Variants in UBAP2 observed in about 807,000 individuals in gnomAD.
The protein encoded by UBAP2 is ubiquitin associated protein 2, also known as ubiquitin-associated protein 2.
UBAP2 carries 75 observed loss-of-function variants against 139.6 expected under a neutral mutation model. The observed-to-expected ratio is 0.54, with a 90% CI of 0.45 to 0.65. The LOEUF (loss-of-function observed/expected upper bound fraction) is 0.65, where lower values mean the gene tolerates loss of function less well. UBAP2 is among the 30% of genes least tolerant of loss of function. The pLI is 0.00. For synonymous variants in UBAP2, 526 were observed against 526.2 expected, an observed-to-expected ratio of 1.00 and a Z score of 0.01; for missense variants, 1,368 against 1,369.6, an observed-to-expected ratio of 1.00 and a Z score of 0.02.
At chr9:33,974,280 G>A (rs961147738) in intron 6 of UBAP2, among the ~76,000 whole-genome samples, 3 of 152,118 alleles carry the variant, frequency 2.0e-5, no homozygotes, top group Admixed American at 1.3e-4. Context: ...CACCGAGGCA[G>A]TTGGACTGCT....
intron 2 of UBAP2, among the ~76,000 whole-genome samples, chr9:34,009,139 G>C (rs985225969): frequency 2.0e-5 from 3 of 149,394 alleles, no homozygotes; most frequent in Non-Finnish European, 4.4e-5. Flanking sequence ...TTGCTCTGTC[G>C]CCCACACTGG....
intron 1 of UBAP2, among the ~76,000 whole-genome samples, chr9:34,021,566 G>A (rs1318289693): frequency 6.6e-6 from 1 of 151,310 alleles, no homozygotes; most frequent in East Asian, 1.9e-4. Flanking sequence ...CGAACACACT[G>A]TTTTAAAACT....
chr9:33,989,100 C>A lies in UBAP2; in HGVS notation c.315G>T (p.Lys105Asn). The change falls in exon 5 of 29, where the codon AAG becomes AAT. Residue 105 changes from lysine to asparagine, a missense_variant. Physicochemically the swap from Lys to Asn is moderately conservative, Grantham distance 94 (BLOSUM62 0). Transcript: ENST00000379238. The stretch of plus-strand genomic sequence containing the variant: ...AATTTTCTTTTGCAAAATTCTTTTT[C>A]TTACACCCTACAGTCTCCCATGAAG... Reference protein sequence around the residue: ...DTTSWETVGCKKKNFAKENSE... With the variant: ...DTTSWETVGCNKKNFAKENSE... 1 of 1,613,302 alleles carries A rather than the reference C, an allele frequency of 6.2e-7. No individual in the cohort carries two copies. Among genetic ancestry groups the A allele is most frequent in the Middle Eastern group, 1.6e-4 (1 of 6,062 alleles).
At chr9:33,979,846 G>C (rs1348188269) in intron 6 of UBAP2, among the ~76,000 whole-genome samples, 1 of 151,180 alleles carries the variant, frequency 6.6e-6, no homozygotes, top group Non-Finnish European at 1.5e-5. Context: ...CCAGCCTGGA[G>C]ACAGAGTGAG....
At position 34,037,240 on chromosome 9, in the gene UBAP2, G is replaced by A. The variant is rs546837615; in HGVS notation, c.-42+11585C>T. Among the ~76,000 whole-genome samples, 23 of 152,000 alleles carry A rather than the reference G, an allele frequency of 1.5e-4. 1 individual carries two copies. Among genetic ancestry groups the A allele is most frequent in the Admixed American group, 2.6e-4 (4 of 15,244 alleles). On this transcript the variant is annotated intron_variant, in intron 1 of 28. Transcript: ENST00000379238. ...CCTGACCTCGTGATCCGCCCGCCTC[G>A]GCCCCCCAAAGTGCTGGGATTACAG...
At chr9:33,924,061 G>A in intron 23 of UBAP2, 61 bp from the exon 24 acceptor site, 2 of 1,602,946 alleles carry the variant, frequency 1.2e-6, no homozygotes, top group Admixed American at 1.7e-5. Flanking sequence ...GGCCACACTG[G>A]CTTCTGCAAA....
chr9:33,980,220 CTTTTTTTT>C (rs1173781682), intron 6 of UBAP2, among the ~76,000 whole-genome samples: 630 of 49,010 alleles, frequency 0.013, 2 homozygotes, highest in Non-Finnish European at 0.019. Flanking sequence ...AGTGTCATTT[CTTTTTTTT>C]TTTTTTTTTT....
At chr9:33,956,224 G>C in intron 10 of UBAP2, 78 bp from the exon 11 acceptor site, 1 of 962,044 alleles carries the variant, frequency 1.0e-6, no homozygotes, top group Non-Finnish European at 1.7e-6. Context: ...ATCATTTGTA[G>C]TCATCAGTAG....
Position 33,958,393 on chromosome 9 carries a change from A to C in UBAP2, c.799-2247T>G, listed in dbSNP as rs546799693. Among the ~76,000 whole-genome samples the C allele has an allele frequency of 6.7e-5, 10 of 148,878 alleles. No homozygotes were observed. In the South Asian group the frequency reaches 1.1e-3, roughly 16 times the overall value. ...ATTGACATATCTAAACATGATAATA[A>C]AACACTGAATGGTTCCCCACCCCCT... is the stretch of plus-strand genomic sequence containing the variant. On this transcript the variant is annotated intron_variant, in intron 10 of 28. Coordinates refer to ENST00000379238, the MANE Select transcript of UBAP2 (RefSeq NM_001370062.2).
intron 1 of UBAP2, among the ~76,000 whole-genome samples, chr9:34,027,381 T>C (rs754661853): frequency 2.0e-5 from 3 of 151,442 alleles, no homozygotes; most frequent in Non-Finnish European, 4.4e-5. Context: ...ATCGGGAGGC[T>C]GAGGCAGGAG....
chr9:33,957,846 G>A (rs558565236), intron 10 of UBAP2, among the ~76,000 whole-genome samples: 25 of 152,132 alleles, frequency 1.6e-4, no homozygotes, highest in African/African-American at 6.0e-4. Context: ...GACAGTAGGT[G>A]TTCATTTTCT....
At chr9:34,006,803 C>A (rs1383840696) in intron 2 of UBAP2, among the ~76,000 whole-genome samples, 3 of 152,150 alleles carry the variant, frequency 2.0e-5, no homozygotes, top group Non-Finnish European at 2.9e-5. Flanking sequence ...GAATATTGTT[C>A]TCATAATTCC....
At chr9:34,046,223 T>C (rs1211968085) in intron 1 of UBAP2, among the ~76,000 whole-genome samples, 3 of 151,254 alleles carry the variant, frequency 2.0e-5, no homozygotes, top group Non-Finnish European at 4.4e-5. Context: ...CCCTTGCTAA[T>C]ATACTTAACC....
chr9:33,971,283 A>G (rs545115836), intron 8 of UBAP2, among the ~76,000 whole-genome samples: 1 of 152,338 alleles, frequency 6.6e-6, no homozygotes, highest in East Asian at 1.9e-4. Context: ...ATCATACATT[A>G]TCTGGCCAAA....
chr9:34,038,616 G>A (rs1037980348), intron 1 of UBAP2, among the ~76,000 whole-genome samples: 3 of 152,164 alleles, frequency 2.0e-5, no homozygotes, highest in African/African-American at 4.8e-5. Context: ...GTGCAGTGGC[G>A]TGATCTCGGC....
In UBAP2 at chr9:33,922,788, C is replaced by T. The variant is rs1363833617; in HGVS notation, c.3163G>A (p.Ala1055Thr). 6.4e-7 allele frequency: 1 copy of T among 1,560,880 alleles called. No individual in the cohort carries two copies. The highest frequency in any genetic ancestry group is 1.4e-5 in the African/African-American group (1 of 73,346). ...GGTGGGGGTGCATAGCCAGGGGCCGCTCCCGAGGCCAGGGGCCCAGTGGAG... is the reference window on the plus strand; with the variant it reads ...GGTGGGGGTGCATAGCCAGGGGCCGTTCCCGAGGCCAGGGGCCCAGTGGAG... ...LGSTGPLASG[A>T]APGYAPPPFL... Residue 1055 changes from alanine (A) to threonine (T), a missense_variant, in exon 28 of 29, where the codon GCG becomes ACG. Transcript: ENST00000379238.
In UBAP2 at chr9:33,923,690, G is replaced by C. The variant is rs1587497043; in HGVS notation, c.2796+105C>G. 17 of 1,259,252 alleles carry C rather than the reference G, an allele frequency of 1.4e-5. No homozygotes were observed. The East Asian group carries it at 3.3e-4, about 24-fold the overall frequency. The allele number at this position is 1,259,252 out of a possible 1,614,324, so 78.0% of individuals were successfully genotyped here. A position where few individuals can be genotyped will look rare whatever the true frequency, so the allele number is the denominator to read the frequency against. The stretch of plus-strand genomic sequence containing the variant: ...CAGTTTCTGAAGACCAGGTAAGACG[G>C]AGTGGAATCACAACCCTCCCTCCCT... On this transcript the variant is annotated intron_variant, in intron 24 of 28. Coordinates refer to ENST00000379238, the MANE Select transcript of UBAP2 (RefSeq NM_001370062.2).
chr9:33,957,149 TC>T (rs979396688), intron 10 of UBAP2, among the ~76,000 whole-genome samples: 84 of 151,998 alleles, frequency 5.5e-4, no homozygotes, highest in Non-Finnish European at 5.9e-4. Context: ...CGATGTTTTC[TC>T]CCCCCAAAGA....
intron 16 of UBAP2, among the ~76,000 whole-genome samples, chr9:33,938,628 C>G (rs942068681): frequency 6.6e-6 from 1 of 151,984 alleles, no homozygotes; most frequent in African/African-American, 2.4e-5. Flanking sequence ...GAAACCCTGT[C>G]TCTACTAAAA....
Sources: allele counts gnomAD v4.1 joint callset (sites outside exome capture counted in the v4.1 genomes callset), GRCh38; gene constraint gnomAD v4.1.1; transcripts MANE v1.5; gene names NCBI Gene and HGNC (gene_info 2026-07-23, HGNC 2026-07-21).